The following DPYD variants were observed in gnomAD, a reference collection of about 807,000 sequenced individuals.
The protein encoded by DPYD is dihydropyrimidine dehydrogenase [NADP(+)].
A neutral mutation model predicts 116.2 loss-of-function variants in DPYD; 109 were observed. That is an observed-to-expected ratio of 0.94 (90% CI 0.80 to 1.10). DPYD has a LOEUF of 1.10. Among genes scored for constraint, DPYD ranks in the 50% least tolerant of loss-of-function variants. The pLI is 0.00. For synonymous variants in DPYD, 440 were observed against 432.0 expected (o/e 1.02, Z -0.23); for missense variants, 1,302 against 1,254.5 (o/e 1.04, Z -0.57).
chr1:97,264,319 T>G (rs536603982), intron 18 of DPYD, among the ~76,000 whole-genome samples: 1 of 151,738 alleles, frequency 6.6e-6, no homozygotes, highest in East Asian at 1.9e-4. Context: ...CACGCCACCA[T>G]GCCTGGCTAG....
chr1:97,163,464 G>A (rs1570581815), intron 20 of DPYD, among the ~76,000 whole-genome samples: 2 of 152,260 alleles, frequency 1.3e-5, no homozygotes, highest in East Asian at 3.9e-4. Context: ...ATGATCCTCT[G>A]TCTTAGTCCA....
intron 16 of DPYD, among the ~76,000 whole-genome samples, chr1:97,324,926 A>T (rs1668637130): frequency 6.6e-6 from 1 of 152,054 alleles, no homozygotes; most frequent in South Asian, 2.1e-4. Flanking sequence ...TTAAAATATG[A>T]TCTCCCTTTC....
chr1:97,220,627 G>C (rs993748149), intron 19 of DPYD, among the ~76,000 whole-genome samples: 1 of 151,976 alleles, frequency 6.6e-6, no homozygotes, highest in Non-Finnish European at 1.5e-5. Flanking sequence ...AGTTCATTGA[G>C]GACATTATTT....
chr1:97,145,743 GTTT>G (rs370793517), intron 20 of DPYD, among the ~76,000 whole-genome samples: 15 of 129,330 alleles, frequency 1.2e-4, no homozygotes, highest in Non-Finnish European at 1.8e-4. Context: ...AATTGTGTGG[GTTT>G]TTTTTTTTTT....
intron 16 of DPYD, among the ~76,000 whole-genome samples, chr1:97,351,024 A>G (rs181030423): frequency 6.6e-6 from 1 of 152,254 alleles, no homozygotes; most frequent in Non-Finnish European, 1.5e-5. Flanking sequence ...AGGTTTGCTG[A>G]ACTTTGTATC....
At chr1:97,126,259 G>A (rs1200240367) in intron 20 of DPYD, among the ~76,000 whole-genome samples, 1 of 152,140 alleles carries the variant, frequency 6.6e-6, no homozygotes, top group Non-Finnish European at 1.5e-5. Flanking sequence ...ACTTCTAGAT[G>A]TATCTGACAC....
At chr1:97,312,834 C>T (rs2101063767) in intron 16 of DPYD, among the ~76,000 whole-genome samples, 1 of 151,898 alleles carries the variant, frequency 6.6e-6, no homozygotes. Flanking sequence ...AAACTCTATA[C>T]TTAAGTGTGT....
At chr1:97,225,031 ATCTATCTATCTATCTATCTATCTATCTG>A (rs1244292756) in intron 19 of DPYD, among the ~76,000 whole-genome samples, 2 of 151,140 alleles carry the variant, frequency 1.3e-5, no homozygotes, top group Admixed American at 1.3e-4. Context: ...CTATCTATCT[ATCTATCTATCTATCTATCTATCTATCTG>A]TCTATCATCT....
chr1:97,853,765 T>C (rs1670677761), intron 2 of DPYD, among the ~76,000 whole-genome samples: 1 of 152,228 alleles, frequency 6.6e-6, no homozygotes, highest in African/African-American at 2.4e-5. Context: ...TCAAGTGACT[T>C]GTCTAAGATT....
intron 20 of DPYD, among the ~76,000 whole-genome samples, chr1:97,156,091 T>C (rs974120621): frequency 6.6e-5 from 10 of 152,190 alleles, no homozygotes; most frequent in Non-Finnish European, 1.2e-4. Flanking sequence ...AATAACTTGA[T>C]TGATTTCAAA....
intron 14 of DPYD, among the ~76,000 whole-genome samples, chr1:97,407,902 T>C (rs1673760834): frequency 6.6e-6 from 1 of 152,154 alleles, no homozygotes; most frequent in Non-Finnish European, 1.5e-5. Context: ...CAAGTTAAGA[T>C]TGCCACCTGG....
chr1:97,712,323 T>G (rs1662334041), intron 5 of DPYD, among the ~76,000 whole-genome samples: 2 of 152,094 alleles, frequency 1.3e-5, no homozygotes, highest in South Asian at 2.1e-4. Flanking sequence ...GTTCTGCAAT[T>G]TATGCCTCTA....
In DPYD at chr1:97,306,310, G is replaced by T. The variant is rs180724738; in HGVS notation, c.2059-13C>A. On this transcript the variant is annotated splice_polypyrimidine_tract_variant and intron_variant, in intron 16 of 22. Coordinates refer to ENST00000370192, the MANE Select transcript of DPYD (RefSeq NM_000110.4). ...CCAGCTCTGGATCCTGTTCAAATAG[G>T]TCGGTTAAATATAGAACAAAATTAA... 1.2e-6 allele frequency: 2 copies of T among 1,611,872 alleles called. No homozygotes were observed. The highest frequency in any genetic ancestry group is 2.2e-5 in the East Asian group (1 of 44,786).
At chr1:97,460,757 G>A (rs530755607) in intron 13 of DPYD, among the ~76,000 whole-genome samples, 8 of 152,202 alleles carry the variant, frequency 5.3e-5, no homozygotes, top group Non-Finnish European at 8.8e-5. Flanking sequence ...GAAGAGACAC[G>A]GCCAGGCACG....
intron 4 of DPYD, among the ~76,000 whole-genome samples, chr1:97,739,502 T>C (rs1664144802): frequency 6.6e-6 from 1 of 152,170 alleles, no homozygotes; most frequent in African/African-American, 2.4e-5. Flanking sequence ...TAAATTTATA[T>C]AAAAGTATTT....
At chr1:97,686,453 G>A (rs549366349) in intron 7 of DPYD, among the ~76,000 whole-genome samples, 8 of 151,398 alleles carry the variant, frequency 5.3e-5, no homozygotes, top group East Asian at 1.9e-4. Context: ...TGGCTAACAC[G>A]GTGAAACCCC....
chr1:97,584,904 C>T (rs961678977), intron 10 of DPYD, among the ~76,000 whole-genome samples: 2 of 149,218 alleles, frequency 1.3e-5, no homozygotes, highest in Non-Finnish European at 3.0e-5. Context: ...ACATATGTAA[C>T]AAACCTGCAC....
chr1:97,095,695 G>A (rs1265242804), intron 21 of DPYD, among the ~76,000 whole-genome samples: 2 of 151,726 alleles, frequency 1.3e-5, no homozygotes, highest in East Asian at 1.9e-4. Context: ...TAAATACACA[G>A]TTTTATATTT....
intron 14 of DPYD, among the ~76,000 whole-genome samples, chr1:97,395,353 T>A (rs1186443063): frequency 6.6e-6 from 1 of 151,920 alleles, no homozygotes; most frequent in Non-Finnish European, 1.5e-5. Context: ...TAGTACAGAT[T>A]TTCACATACA....
Sources: allele counts gnomAD v4.1 joint callset (sites outside exome capture counted in the v4.1 genomes callset), GRCh38; gene constraint gnomAD v4.1.1; transcripts MANE v1.5; gene names NCBI Gene and HGNC (gene_info 2026-07-23, HGNC 2026-07-21).